MARCHF1: variants seen among roughly 807,000 people sequenced by gnomAD.
The protein encoded by MARCHF1 is membrane associated ring-CH-type finger 1, also known as E3 ubiquitin-protein ligase MARCHF1.
MARCHF1 carries 40 observed loss-of-function variants against 54.2 expected under a neutral mutation model. That is an observed-to-expected ratio of 0.74 (90% CI 0.57 to 0.96). MARCHF1 has a LOEUF of 0.96. Among genes scored for constraint, MARCHF1 ranks in the 40% least tolerant of loss-of-function variants. The probability of loss-of-function intolerance (pLI) is 0.00; values close to 1 mark genes in which losing one functional copy is unlikely to be tolerated. For missense variants in MARCHF1, 586 were observed against 656.5 expected, an observed-to-expected ratio of 0.89 and a Z score of 1.17; for synonymous variants, 236 against 236.3, an observed-to-expected ratio of 1.00 and a Z score of 0.01.
At chr4:164,368,701 T>C (rs1360826583) in intron 1 of MARCHF1, among the ~76,000 whole-genome samples, 1 of 152,190 alleles carries the variant, frequency 6.6e-6, no homozygotes, top group Non-Finnish European at 1.5e-5. Flanking sequence ...AAATTCACCA[T>C]ATGAACAGAT....
chr4:164,260,721 G>A (rs1289269689), intron 1 of MARCHF1, among the ~76,000 whole-genome samples: 1 of 152,152 alleles, frequency 6.6e-6, no homozygotes, highest in Non-Finnish European at 1.5e-5. Context: ...CTACAAAATC[G>A]AATTGTATAA....
intron 4 of MARCHF1, among the ~76,000 whole-genome samples, chr4:163,806,782 G>A (rs1477680615): frequency 6.6e-6 from 1 of 152,086 alleles, no homozygotes; most frequent in African/African-American, 2.4e-5. Context: ...TCACTTTTAT[G>A]GATCAATAAA....
chr4:163,618,495 C>A (rs1170367238), intron 5 of MARCHF1, among the ~76,000 whole-genome samples: 1 of 152,130 alleles, frequency 6.6e-6, no homozygotes, highest in East Asian at 1.9e-4. Context: ...CCTAGTTTCC[C>A]CTATCTCAAT....
chr4:164,038,620 T>C (rs1579481556), intron 2 of MARCHF1, among the ~76,000 whole-genome samples: 1 of 152,342 alleles, frequency 6.6e-6, no homozygotes, highest in African/African-American at 2.4e-5. Flanking sequence ...TGGTCCTTTT[T>C]TTCTTCCAAG....
intron 2 of MARCHF1, among the ~76,000 whole-genome samples, chr4:164,023,142 T>C (rs1348589413): frequency 6.6e-6 from 1 of 152,196 alleles, no homozygotes; most frequent in African/African-American, 2.4e-5. Context: ...CTGGCCAGCA[T>C]GGGAGCAGGG....
intron 3 of MARCHF1, among the ~76,000 whole-genome samples, chr4:163,971,127 C>A (rs927448001): frequency 6.9e-6 from 1 of 145,000 alleles, no homozygotes; most frequent in African/African-American, 2.6e-5. Flanking sequence ...AAACACTTCT[C>A]TCTCGTACCC....
chr4:163,638,831 C>T (rs552982258), intron 5 of MARCHF1, among the ~76,000 whole-genome samples: 104 of 152,256 alleles, frequency 6.8e-4, no homozygotes, highest in Admixed American at 1.1e-3. Flanking sequence ...ATTATCTATA[C>T]ACACACAATA....
Position 163,732,082 on chromosome 4 carries a change from A to C in MARCHF1, c.112-31219T>G, listed in dbSNP as rs951016414. ...AAGTAGGAAATATGTCCTATGACCC[A>C]TACTGAGAAGGAAAATCAATCATTC... On this transcript the variant is annotated intron_variant, in intron 4 of 9. Transcript: ENST00000514618. Among the ~76,000 whole-genome samples the C allele has an allele frequency of 7.2e-5, 11 of 152,136 alleles. No individual in the cohort carries two copies. The South Asian group carries it at 8.3e-4, about 11-fold the overall frequency.
rs553438267 is a variant in MARCHF1, at chr4:164,178,436, C to G, written c.-322-66774G>C. The stretch of plus-strand genomic sequence containing the variant: ...TGTGTCCAGTAAAGATCTGGGCTCT[C>G]TGCAGGAATATGGAAAAGTCAGGCT... On this transcript the variant is annotated intron_variant, in intron 1 of 9. Coordinates refer to ENST00000514618, the MANE Select transcript of MARCHF1 (RefSeq NM_001394959.1). 2.0e-5 allele frequency among the ~76,000 whole-genome samples: 3 copies of G among 152,288 alleles called. No individual in the cohort carries two copies. The South Asian group carries it at 6.2e-4, about 32-fold the overall frequency.
intron 4 of MARCHF1, among the ~76,000 whole-genome samples, chr4:163,756,636 A>AG (rs1746680914): frequency 1.3e-5 from 1 of 75,862 alleles, no homozygotes; most frequent in African/African-American, 3.4e-5. Context: ...TGTCTCAAAA[A>AG]AAAAAAAAAA....
At chr4:163,835,119 G>A (rs897070115) in intron 4 of MARCHF1, among the ~76,000 whole-genome samples, 1 of 152,080 alleles carries the variant, frequency 6.6e-6, no homozygotes, top group Non-Finnish European at 1.5e-5. Context: ...TTGGCCTTAA[G>A]TGATCCTTCC....
chr4:164,229,863 G>A (rs1732369243), intron 1 of MARCHF1, among the ~76,000 whole-genome samples: 1 of 152,138 alleles, frequency 6.6e-6, no homozygotes, highest in South Asian at 2.1e-4. Flanking sequence ...GCACCAAGGT[G>A]ATGATGCTAA....
chr4:163,715,665 T>C (rs1337568002), intron 4 of MARCHF1, among the ~76,000 whole-genome samples: 2 of 152,214 alleles, frequency 1.3e-5, no homozygotes, highest in African/African-American at 2.4e-5. Context: ...GTACATACTA[T>C]GGCAAAAAAG....
intron 1 of MARCHF1, chr4:164,189,712 A>C (rs1447980073): frequency 3.8e-6 from 4 of 1,044,124 alleles, no homozygotes; most frequent in Admixed American, 1.7e-5. Flanking sequence ...ACCTACCAAG[A>C]AGTCCATATC....
chr4:164,380,305 A>G (rs1385127777), intron 1 of MARCHF1, among the ~76,000 whole-genome samples: 1 of 120,140 alleles, frequency 8.3e-6, no homozygotes, highest in Non-Finnish European at 2.0e-5. Context: ...AAGTTCACTA[A>G]TATATAATAT....
In MARCHF1 at chr4:163,948,602, T is replaced by C. The variant is rs528598172; in HGVS notation, c.-39+39899A>G. Among the ~76,000 whole-genome samples, 4 of 152,324 alleles carry C rather than the reference T, an allele frequency of 2.6e-5. No homozygotes were observed. The East Asian group carries it at 7.7e-4, about 29-fold the overall frequency. On this transcript the variant is annotated intron_variant, in intron 3 of 9. Coordinates refer to ENST00000514618, the MANE Select transcript of MARCHF1 (RefSeq NM_001394959.1). Reference sequence around the variant, plus strand: ...GAAAAGCCTATATGTAGACAGGACATGAGCTGGGCTTATAATTATGAGCAG... The same window carrying C: ...GAAAAGCCTATATGTAGACAGGACACGAGCTGGGCTTATAATTATGAGCAG...
chr4:164,120,966 G>T (rs776567180), intron 1 of MARCHF1, among the ~76,000 whole-genome samples: 26 of 151,346 alleles, frequency 1.7e-4, no homozygotes, highest in Admixed American at 3.3e-4. Flanking sequence ...TAGAAGAAAA[G>T]AAATAATAAA....
intron 4 of MARCHF1, among the ~76,000 whole-genome samples, chr4:163,816,224 C>T (rs1748527463): frequency 1.3e-5 from 2 of 152,110 alleles, no homozygotes; most frequent in South Asian, 4.1e-4. Context: ...GAAAAATTGG[C>T]TAGGTAAGGA....
chr4:163,780,974 T>C (rs1278357246), intron 4 of MARCHF1, among the ~76,000 whole-genome samples: 2 of 152,216 alleles, frequency 1.3e-5, no homozygotes, highest in African/African-American at 4.8e-5. Context: ...CCCGTTGAGA[T>C]GTCTTTTACT....
Sources: gnomAD v4.1 joint callset for allele counts (sites outside exome capture counted in the v4.1 genomes callset) on GRCh38, gnomAD v4.1.1 for gene constraint, MANE v1.5 for transcripts, NCBI Gene and HGNC (gene_info 2026-07-23, HGNC 2026-07-21) for gene names.